Variants in GABRR3 observed in about 807,000 individuals in gnomAD.
GABRR3 encodes gamma-aminobutyric acid type A receptor subunit rho3.
In GABRR3, 29 loss-of-function variants were observed where a neutral mutation model predicts 43.2. The ratio of observed to expected loss-of-function variants is 0.67; its 90% CI spans 0.50 to 0.92. The LOEUF is 0.92. Ranked by LOEUF, GABRR3 falls within the 40% of genes least tolerant of loss-of-function variation. The pLI is 0.00. For synonymous variants in GABRR3, 206 were observed against 195.9 expected (o/e 1.05, Z -0.43); for missense variants, 576 against 572.3 (o/e 1.01, Z -0.07).
Position 98,001,623 on chromosome 3 carries a change from ACT to A in GABRR3, c.897_898del (p.Arg299SerfsTer48). ...GATGGGGAAAGATTTACCCAGGGAA[ACT>A]CTTGCAGGAACAGCTCTTCGGTCAA... On this transcript the variant is annotated frameshift_variant, in exon 8 of 10. Transcript: ENST00000621172. LOFTEE classifies it high-confidence loss of function. 6.2e-6 allele frequency: 10 copies of A among 1,612,932 alleles called. No homozygotes were observed. The highest frequency in any genetic ancestry group is 1.3e-5 in the African/African-American group (1 of 74,966).
At chr3:97,993,594 G>C (rs1401766842) in intron 8 of GABRR3, among the ~76,000 whole-genome samples, 1 of 152,064 alleles carries the variant, frequency 6.6e-6, no homozygotes, top group Non-Finnish European at 1.5e-5. Flanking sequence ...TATTCTCTTT[G>C]TCGATTGTTA....
chr3:98,012,974 G>T (rs563776958), intron 4 of GABRR3, among the ~76,000 whole-genome samples: 2 of 152,202 alleles, frequency 1.3e-5, no homozygotes, highest in Admixed American at 6.5e-5. Flanking sequence ...AACTGATTTT[G>T]TATTGATACT....
intron 8 of GABRR3, chr3:97,998,352 T>C (rs1351244301): frequency 6.6e-6 from 1 of 152,142 alleles, no homozygotes; most frequent in East Asian, 1.9e-4. Context: ...TAATGAATTA[T>C]ATAAACATTT....
chr3:98,012,656 T>C, intron 4 of GABRR3, 89 bp from the exon 5 acceptor site: 2 of 847,738 alleles, frequency 2.4e-6, no homozygotes, highest in Non-Finnish European at 3.8e-6. Flanking sequence ...GACTCATTCC[T>C]ATGGTGTTAA....
intron 7 of GABRR3, among the ~76,000 whole-genome samples, chr3:98,002,111 T>C (rs1492054): frequency 0.34 from 52,169 of 151,852 alleles, 9,549 homozygotes; most frequent in East Asian, 0.51. Context: ...TGACTAATAA[T>C]GGCATAAAAG....
chr3:98,017,820 ATTACTG>A, intron 3 of GABRR3, 98 bp from the exon 4 acceptor site: 1 of 806,620 alleles, frequency 1.2e-6, no homozygotes, highest in Non-Finnish European at 1.9e-6. Context: ...CAGCAACTGA[ATTACTG>A]TTAAAGTTTT....
At chr3:98,023,591 G>T (rs1218639372) in intron 3 of GABRR3, among the ~76,000 whole-genome samples, 2 of 152,110 alleles carry the variant, frequency 1.3e-5, no homozygotes, top group Non-Finnish European at 2.9e-5. Flanking sequence ...GGAAAATTTG[G>T]CTGGGGAAAC....
At position 97,986,693 on chromosome 3, in the gene GABRR3, A is replaced by G. The variant is rs199781816; in HGVS notation, c.1394T>C (p.Val465Ala). Residue 465 changes from valine (V) to alanine (A), a missense_variant, in exon 10 of 10, where the codon GTA (valine) becomes GCA (alanine). By Grantham distance (64) the Val-to-Ala change is moderately conservative. Transcript: ENST00000621172. ...ATTTGAAATTCCCCTTCATACATATACACCCCAGTAAAACAAATTAAATAA... is the reference window on the plus strand; with the variant it reads ...ATTTGAAATTCCCCTTCATACATATGCACCCCAGTAAAACAAATTAAATAA... 422 of 1,539,274 alleles carry G rather than the reference A, an allele frequency of 2.7e-4. 3 individuals are homozygous for G. The highest frequency in any genetic ancestry group is 1.0e-3 in the Middle Eastern group (6 of 5,884).
At chr3:98,013,841 G>C (rs913627510) in intron 4 of GABRR3, among the ~76,000 whole-genome samples, 1 of 152,180 alleles carries the variant, frequency 6.6e-6, no homozygotes, top group East Asian at 1.9e-4. Flanking sequence ...TTTAGAATTA[G>C]ATGCTCAGTG....
At chr3:98,025,705 A>C (rs1344445881) in intron 2 of GABRR3, 26 bp from the exon 3 acceptor site, 8 of 1,472,368 alleles carry the variant, frequency 5.4e-6, no homozygotes, top group Middle Eastern at 1.7e-4. Context: ...GAAAAAAAAA[A>C]CTTCTGAGAT....
chr3:98,001,784 A>G lies in GABRR3; in HGVS notation c.755-17T>C. On this transcript the variant is annotated splice_polypyrimidine_tract_variant and intron_variant, in intron 7 of 9. Coordinates refer to ENST00000621172, the Ensembl canonical transcript of GABRR3. The stretch of plus-strand genomic sequence containing the variant: ...TGTACCAACCTGTGGAAAAAAGCCA[A>G]AGTTTTCATTAGAGCAAGCTTCCCC... 2 of 1,612,454 alleles carry G rather than the reference A, an allele frequency of 1.2e-6. No homozygotes were observed. The highest frequency in any genetic ancestry group is 1.1e-5 in the South Asian group (1 of 90,988).
At chr3:98,020,313 G>T (rs2107245133) in intron 3 of GABRR3, among the ~76,000 whole-genome samples, 1 of 152,148 alleles carries the variant, frequency 6.6e-6, no homozygotes, top group East Asian at 1.9e-4. Context: ...ACATAGTACA[G>T]TTACTGAACT....
intron 3 of GABRR3, among the ~76,000 whole-genome samples, chr3:98,019,279 C>A (rs1040029547): frequency 2.6e-5 from 4 of 152,148 alleles, no homozygotes; most frequent in African/African-American, 9.7e-5. Flanking sequence ...GCCTATAATT[C>A]GACAGCCCTT....
At chr3:98,002,199 G>A (rs1492053) in intron 7 of GABRR3, among the ~76,000 whole-genome samples, 52,134 of 151,940 alleles carry the variant, frequency 0.34, 9,527 homozygotes, top group East Asian at 0.5. Flanking sequence ...TATGTACTAG[G>A]TCATTGGATT....
At chr3:97,997,848 T>C (rs1388846469) in intron 8 of GABRR3, 1 of 152,218 alleles carries the variant, frequency 6.6e-6, no homozygotes, top group African/African-American at 2.4e-5. Context: ...AAAAAGGACA[T>C]GTCTTCATTT....
intron 8 of GABRR3, chr3:97,998,374 G>A (rs1706589568): frequency 6.6e-6 from 1 of 152,104 alleles, no homozygotes; most frequent in Non-Finnish European, 1.5e-5. Flanking sequence ...GAAGATCTCT[G>A]TAACTCAGTG....
At chr3:97,986,871 A>G in exon 10 of GABRR3, 1 of 1,611,984 alleles carries the variant, frequency 6.2e-7, no homozygotes, top group Non-Finnish European at 8.5e-7. Context: ...CTTCTCATGA[A>G]GTCTTCTGAG....
intron 2 of GABRR3, 116 bp from the exon 3 acceptor site, chr3:98,025,795 T>G (rs1707007663): frequency 1.6e-6 from 1 of 612,016 alleles, no homozygotes; most frequent in East Asian, 2.9e-5. Context: ...ACATAAAAGC[T>G]CATTTTCTCA....
intron 8 of GABRR3, 106 bp downstream of exon 8, chr3:98,001,509 C>T (rs1706641422): frequency 8.3e-7 from 1 of 1,201,988 alleles, no homozygotes; most frequent in Admixed American, 2.2e-5. Context: ...CTGACTATCC[C>T]TACTAAACCA....
Sources: gnomAD v4.1 joint callset for allele counts (sites outside exome capture counted in the v4.1 genomes callset) on GRCh38, gnomAD v4.1.1 for gene constraint, MANE v1.5 for transcripts, NCBI Gene and HGNC (gene_info 2026-07-23, HGNC 2026-07-21) for gene names.